PRELID2: variants seen among roughly 807,000 people sequenced by gnomAD.
PRELID2 encodes PRELI domain-containing protein 2.
A neutral mutation model predicts 28.4 loss-of-function variants in PRELID2; 25 were observed. That is an observed-to-expected ratio of 0.88 (90% CI 0.64 to 1.23). The LOEUF (loss-of-function observed/expected upper bound fraction) is 1.23. Among genes scored for constraint, PRELID2 ranks in the 50% most tolerant of loss-of-function variants. The pLI, the probability that PRELID2 is intolerant of heterozygous loss-of-function variation, is 0.00. For synonymous variants in PRELID2, 76 were observed against 71.6 expected (o/e 1.06, Z -0.31); for missense variants, 201 against 214.4 (o/e 0.94, Z 0.39).
At chr5:145,782,894 A>G (rs2149797164) in intron 5 of PRELID2, among the ~76,000 whole-genome samples, 1 of 152,348 alleles carries the variant, frequency 6.6e-6, no homozygotes, top group South Asian at 2.1e-4. Context: ...CAATTGCCTA[A>G]TTGAAAATGA....
the PRELID2 span, among the ~76,000 whole-genome samples, chr5:145,332,421 G>A: frequency 6.6e-6 from 1 of 152,066 alleles, no homozygotes; most frequent in Non-Finnish European, 1.5e-5. Flanking sequence ...CGTGAGTTTG[G>A]TCTTTTCACA....
the PRELID2 span, among the ~76,000 whole-genome samples, chr5:145,248,454 T>G: frequency 6.6e-6 from 1 of 151,724 alleles, no homozygotes; most frequent in South Asian, 2.1e-4. Context: ...AATCTGGGAG[T>G]CAAAAATATT....
the PRELID2 span, among the ~76,000 whole-genome samples, chr5:145,364,095 G>A: frequency 6.6e-6 from 1 of 151,926 alleles, no homozygotes; most frequent in Non-Finnish European, 1.5e-5. Context: ...TGCTTCATAA[G>A]AGCTACTTTT....
At position 145,656,437 on chromosome 5, in the gene PRELID2, A is replaced by G. The variant is rs1370824293; in HGVS notation, n.70+108494T>C. Among the ~76,000 whole-genome samples the G allele has an allele frequency of 2.0e-5, 3 of 152,150 alleles. No homozygotes were observed. The South Asian group carries it at 6.2e-4, about 32-fold the overall frequency. ...AAAGGATTATAAATCATGTTACTATAAAGACCCATGCACATGTATGTTCAT... is the reference window on the plus strand; with the variant it reads ...AAAGGATTATAAATCATGTTACTATGAAGACCCATGCACATGTATGTTCAT... On this transcript the variant is annotated intron_variant and non_coding_transcript_variant, in intron 1 of 2. Transcript: ENST00000510259.
chr5:145,493,903 C>T (rs1752288405), intron 1 of PRELID2, among the ~76,000 whole-genome samples: 1 of 152,180 alleles, frequency 6.6e-6, no homozygotes, highest in South Asian at 2.1e-4. Flanking sequence ...TTTCCTTGCA[C>T]TTAAACTATA....
downstream of PRELID2, among the ~76,000 whole-genome samples, chr5:145,467,880 T>C (rs1258912456): frequency 6.6e-6 from 1 of 151,884 alleles, no homozygotes; most frequent in African/African-American, 2.4e-5. Context: ...TTAAAGTTAA[T>C]TTATTTACTT....
chr5:145,722,381 C>A (rs1263289893), intron 1 of PRELID2, among the ~76,000 whole-genome samples: 1 of 152,228 alleles, frequency 6.6e-6, no homozygotes, highest in Non-Finnish European at 1.5e-5. Context: ...CTCACTGCAA[C>A]CTCCGCCTCA....
chr5:145,662,324 A>C (rs1291009442), intron 1 of PRELID2, among the ~76,000 whole-genome samples: 1 of 152,082 alleles, frequency 6.6e-6, no homozygotes, highest in African/African-American at 2.4e-5. Flanking sequence ...TGTCTCCCAA[A>C]TGTTATTGTG....
downstream of PRELID2, among the ~76,000 whole-genome samples, chr5:145,468,313 T>C (rs1375849072): frequency 6.6e-6 from 1 of 152,204 alleles, no homozygotes; most frequent in African/African-American, 2.4e-5. Context: ...ATCCAGTCTG[T>C]CATTGTTGGA....
At chr5:145,760,879 T>G (rs769417233) in intron 6 of PRELID2, among the ~76,000 whole-genome samples, 2 of 152,236 alleles carry the variant, frequency 1.3e-5, no homozygotes, top group Non-Finnish European at 2.9e-5. Flanking sequence ...ATTTGTTTTA[T>G]TCAAAAATGA....
At chr5:145,486,464 A>G (rs77755716) in intron 1 of PRELID2, among the ~76,000 whole-genome samples, 2,182 of 152,288 alleles carry the variant, frequency 0.014, 39 homozygotes, top group African/African-American at 0.05. Context: ...AATTCATGCA[A>G]TGAGTCCAGT....
chr5:145,741,296 A>C (rs1356020317), intron 1 of PRELID2, among the ~76,000 whole-genome samples: 1 of 102,038 alleles, frequency 9.8e-6, no homozygotes, highest in Non-Finnish European at 1.7e-5. Flanking sequence ...TAAATAAATT[A>C]TATATAAATA....
chr5:145,679,017 T>C (rs949492662), intron 1 of PRELID2, among the ~76,000 whole-genome samples: 1 of 152,200 alleles, frequency 6.6e-6, no homozygotes, highest in African/African-American at 2.4e-5. Flanking sequence ...TTCAGTTGTA[T>C]TCTAGAGATC....
At chr5:145,390,807 C>T in the PRELID2 span, among the ~76,000 whole-genome samples, 1 of 152,106 alleles carries the variant, frequency 6.6e-6, no homozygotes, top group African/African-American at 2.4e-5. Context: ...AAATCAAAAG[C>T]AAGTTAGTTA....
intron 1 of PRELID2, among the ~76,000 whole-genome samples, chr5:145,745,568 A>G (rs1281022535): frequency 6.6e-6 from 1 of 152,200 alleles, no homozygotes; most frequent in Non-Finnish European, 1.5e-5. Context: ...ACATTCCTAA[A>G]GAAAAGAATT....
intron 2 of PRELID2, among the ~76,000 whole-genome samples, chr5:145,820,345 T>C (rs1003656469): frequency 6.6e-6 from 1 of 152,124 alleles, no homozygotes; most frequent in African/African-American, 2.4e-5. Context: ...ATTCCTTATC[T>C]GGGATGAAGG....
At chr5:145,367,510 A>G in the PRELID2 span, among the ~76,000 whole-genome samples, 1 of 151,896 alleles carries the variant, frequency 6.6e-6, no homozygotes, top group Admixed American at 6.6e-5. Flanking sequence ...GGTGTCGTAC[A>G]TTCTATAGGT....
At chr5:145,600,651 C>T (rs886834755) in intron 1 of PRELID2, among the ~76,000 whole-genome samples, 11 of 151,900 alleles carry the variant, frequency 7.2e-5, no homozygotes, top group African/African-American at 2.7e-4. Flanking sequence ...TCGATTTAGA[C>T]TTCAAGTTTC....
the PRELID2 span, among the ~76,000 whole-genome samples, chr5:145,276,751 G>C: frequency 1.3e-5 from 2 of 152,066 alleles, no homozygotes; most frequent in Non-Finnish European, 2.9e-5. Flanking sequence ...CATTTTGAAA[G>C]TTCTATCATC....
Sources: gnomAD v4.1 joint callset for allele counts (sites outside exome capture counted in the v4.1 genomes callset) on GRCh38, gnomAD v4.1.1 for gene constraint, MANE v1.5 for transcripts, NCBI Gene and HGNC (gene_info 2026-07-23, HGNC 2026-07-21) for gene names.